The following ST6GALNAC5 variants were observed in gnomAD, a reference collection of about 807,000 sequenced individuals.
ST6GALNAC5 encodes the protein alpha-N-acetylgalactosaminide alpha-2,6-sialyltransferase 5.
In ST6GALNAC5, 27 loss-of-function variants were observed where a neutral mutation model predicts 33.6. The ratio of observed to expected loss-of-function variants is 0.80; its 90% CI spans 0.59 to 1.11. The LOEUF is 1.11. ST6GALNAC5 is among the 50% of genes least tolerant of loss of function. ST6GALNAC5 has a pLI of 0.00. For missense variants in ST6GALNAC5, 428 were observed against 454.0 expected (o/e 0.94, Z 0.52); for synonymous variants, 194 against 171.2 (o/e 1.13, Z -1.04).
intron 2 of ST6GALNAC5, among the ~76,000 whole-genome samples, chr1:76,982,292 G>T (rs555007598): frequency 6.6e-6 from 1 of 152,148 alleles, no homozygotes; most frequent in African/African-American, 2.4e-5. Context: ...TGGCTAACTA[G>T]AATAAACAGT....
At chr1:76,881,169 G>A (rs376169367) in intron 2 of ST6GALNAC5, among the ~76,000 whole-genome samples, 9 of 152,040 alleles carry the variant, frequency 5.9e-5, no homozygotes, top group African/African-American at 2.2e-4. Context: ...TTGATCCAAC[G>A]GAAGAACTCT....
At chr1:76,947,684 T>C (rs1371606481) in intron 2 of ST6GALNAC5, among the ~76,000 whole-genome samples, 1 of 152,078 alleles carries the variant, frequency 6.6e-6, no homozygotes, top group Non-Finnish European at 1.5e-5. Context: ...AGTTCAAGGC[T>C]GCAGTGAGCT....
chr1:77,057,858 T>A (rs1570147554), intron 4 of ST6GALNAC5, among the ~76,000 whole-genome samples: 1 of 152,130 alleles, frequency 6.6e-6, no homozygotes, highest in African/African-American at 2.4e-5. Context: ...GTTATGAGGT[T>A]TTTTTCAGTT....
At chr1:76,980,022 C>T (rs1649186414) in intron 2 of ST6GALNAC5, among the ~76,000 whole-genome samples, 1 of 152,076 alleles carries the variant, frequency 6.6e-6, no homozygotes, top group Admixed American at 6.6e-5. Flanking sequence ...CAAAATTGGA[C>T]TGAGCAAGGA....
At chr1:76,901,318 A>G (rs1646815431) in intron 2 of ST6GALNAC5, among the ~76,000 whole-genome samples, 1 of 152,176 alleles carries the variant, frequency 6.6e-6, no homozygotes, top group East Asian at 1.9e-4. Context: ...GCTTTTCCCA[A>G]TTGCAAAGGG....
intron 2 of ST6GALNAC5, among the ~76,000 whole-genome samples, chr1:76,957,945 A>C (rs937108277): frequency 6.6e-6 from 1 of 151,994 alleles, no homozygotes; most frequent in Non-Finnish European, 1.5e-5. Flanking sequence ...CGCTTTTTTT[A>C]ATTTTTCATG....
intron 2 of ST6GALNAC5, among the ~76,000 whole-genome samples, chr1:77,028,138 A>G (rs1267473458): frequency 6.6e-6 from 1 of 152,198 alleles, no homozygotes; most frequent in Non-Finnish European, 1.5e-5. Context: ...GCAGCCTCAA[A>G]TTCTTTAACC....
chr1:77,011,271 G>A (rs1228012811), intron 2 of ST6GALNAC5, among the ~76,000 whole-genome samples: 7 of 152,144 alleles, frequency 4.6e-5, no homozygotes, highest in Non-Finnish European at 7.4e-5. Context: ...CTTGTTTTAC[G>A]TGCCTTGGTG....
chr1:76,932,293 G>A (rs896570177), intron 2 of ST6GALNAC5, among the ~76,000 whole-genome samples: 1 of 152,104 alleles, frequency 6.6e-6, no homozygotes, highest in Non-Finnish European at 1.5e-5. Flanking sequence ...ATGCCGAGTG[G>A]CATCACAAAG....
At chr1:76,955,006 T>A (rs943583605) in intron 2 of ST6GALNAC5, among the ~76,000 whole-genome samples, 1 of 152,180 alleles carries the variant, frequency 6.6e-6, no homozygotes, top group Non-Finnish European at 1.5e-5. Flanking sequence ...AAAACAGTCA[T>A]GATTTTTGCC....
chr1:76,878,638 G>A (rs1380236522), intron 2 of ST6GALNAC5, among the ~76,000 whole-genome samples: 1 of 152,292 alleles, frequency 6.6e-6, no homozygotes, highest in South Asian at 2.1e-4. Context: ...CCTTCCTCAA[G>A]GGGATCCAGG....
intron 2 of ST6GALNAC5, among the ~76,000 whole-genome samples, chr1:76,992,331 T>C (rs1649767283): frequency 6.6e-6 from 1 of 152,216 alleles, no homozygotes; most frequent in Non-Finnish European, 1.5e-5. Context: ...AGGACCTATG[T>C]CAAGATCTGC....
chr1:76,992,593 C>T lies in ST6GALNAC5; in HGVS notation c.262-51611C>T, dbSNP rs150802612. 4.1e-4 allele frequency among the ~76,000 whole-genome samples: 63 copies of T among 152,334 alleles called. 2 individuals are homozygous for T. In the East Asian group the frequency reaches 0.012, roughly 29 times the overall value. The stretch of plus-strand genomic sequence containing the variant: ...CACTGCAACCTCTGCCTCCCAGGCT[C>T]AAGCTGTCCTGCCACCTCAGCCTCC... On this transcript the variant is annotated intron_variant, in intron 2 of 4. Transcript: ENST00000477717.
intron 2 of ST6GALNAC5, among the ~76,000 whole-genome samples, chr1:77,042,997 A>G (rs1184661022): frequency 6.6e-6 from 1 of 152,192 alleles, no homozygotes; most frequent in East Asian, 1.9e-4. Context: ...GGGTGCTCTC[A>G]GTGTAGTTCT....
intron 2 of ST6GALNAC5, among the ~76,000 whole-genome samples, chr1:77,027,504 G>A (rs1208629235): frequency 1.3e-5 from 2 of 152,168 alleles, no homozygotes; most frequent in Non-Finnish European, 2.9e-5. Context: ...CATTATAACC[G>A]AGTTGGAGTA....
At chr1:76,968,733 C>T (rs1648609306) in intron 2 of ST6GALNAC5, among the ~76,000 whole-genome samples, 1 of 152,124 alleles carries the variant, frequency 6.6e-6, no homozygotes, top group Non-Finnish European at 1.5e-5. Flanking sequence ...TGTTCCTTTC[C>T]ATGTTTAGTG....
intron 2 of ST6GALNAC5, among the ~76,000 whole-genome samples, chr1:76,978,247 A>G (rs1000648344): frequency 6.6e-6 from 1 of 152,178 alleles, no homozygotes; most frequent in African/African-American, 2.4e-5. Flanking sequence ...CATAGTTCAC[A>G]CATACTTTCT....
At chr1:76,891,487 C>T (rs1654011871) in intron 2 of ST6GALNAC5, among the ~76,000 whole-genome samples, 1 of 152,126 alleles carries the variant, frequency 6.6e-6, no homozygotes, top group Middle Eastern at 3.4e-3. Flanking sequence ...GATACAAGTT[C>T]ATATAAAATA....
chr1:76,911,209 T>A (rs1646908185), intron 2 of ST6GALNAC5, among the ~76,000 whole-genome samples: 1 of 152,104 alleles, frequency 6.6e-6, no homozygotes. Context: ...ATCATGTGGT[T>A]TTTGTCTTTG....
Sources: gnomAD v4.1 joint callset for allele counts (sites outside exome capture counted in the v4.1 genomes callset) on GRCh38, gnomAD v4.1.1 for gene constraint, MANE v1.5 for transcripts, NCBI Gene and HGNC (gene_info 2026-07-23, HGNC 2026-07-21) for gene names.